Variants in SF3B1 observed in about 807,000 individuals in gnomAD.
SF3B1 encodes pre-mRNA processing 10.
Under a neutral mutation model 153.8 loss-of-function variants are expected in SF3B1, and 12 were observed. The observed-to-expected ratio is 0.08, with a 90% CI of 0.05 to 0.13. The LOEUF (loss-of-function observed/expected upper bound fraction) is 0.13, where lower values mean the gene tolerates loss of function less well. SF3B1 is among the 10% of genes least tolerant of loss of function. The pLI is 1.00. For missense variants in SF3B1, 513 were observed against 1,606.1 expected (o/e 0.32, Z 11.63); for synonymous variants, 498 against 525.2 (o/e 0.95, Z 0.71).
chr2:197,414,648 G>C (rs531453881), intron 6 of SF3B1, among the ~76,000 whole-genome samples: 8 of 152,332 alleles, frequency 5.3e-5, no homozygotes, highest in Admixed American at 3.3e-4. Context: ...GAATAGACTA[G>C]AACTACATAA....
At position 197,400,756 on chromosome 2, in the gene SF3B1, T is replaced by A. The variant is rs2105982452; in HGVS notation, c.2677A>T (p.Ile893Phe). ...TGGAAAGCATAAAGAATACCATCAATCAGTTGTTCTTCAAGTTTATGATCA... is the reference window on the plus strand; with the variant it reads ...TGGAAAGCATAAAGAATACCATCAAACAGTTGTTCTTCAAGTTTATGATCA... ...DIDHKLEEQL[I>F]DGILYAFQEQ... is the part of the protein sequence containing the mutation. The change falls in exon 18 of 25, where the codon ATT becomes TTT. Residue 893 changes from isoleucine (I) to phenylalanine (F), a missense_variant. Ile to Phe is a conservative substitution (Grantham distance 21). Around this residue, in one of 21 missense-constraint regions of SF3B1, gnomAD observed 20 missense variants for 90.4 expected, o/e 0.22. Coordinates refer to ENST00000335508, the MANE Select transcript of SF3B1 (RefSeq NM_012433.4). This position sits in a 1 kb window ranked among gnomAD's most constrained non-coding sequence, Gnocchi z 5.0. 1 of 1,613,058 alleles carries A rather than the reference T, an allele frequency of 6.2e-7. No individual in the cohort carries two copies. Among genetic ancestry groups the A allele is most frequent in the Non-Finnish European group, 8.5e-7 (1 of 1,179,334 alleles).
chr2:197,405,145 T>G lies in SF3B1; in HGVS notation c.1470A>C (p.Glu490Asp), dbSNP rs535085463. The change falls in exon 11 of 25, where the codon GAA becomes GAC. Residue 490 changes from glutamate to aspartate, a missense_variant. Coordinates refer to ENST00000335508, the MANE Select transcript of SF3B1 (RefSeq NM_012433.4). ...VDVDESTLSPEEQKERKIMKL... is the reference protein window; with the variant it reads ...VDVDESTLSPDEQKERKIMKL... The stretch of plus-strand genomic sequence containing the variant: ...TCATTATTTTTCTCTCTTTTTGCTC[T>G]TCTGGACTAAGTGTTGATTCATCAA... 6.2e-7 allele frequency: 1 copy of G among 1,612,762 alleles called. No individual in the cohort carries two copies. The highest frequency in any genetic ancestry group is 1.3e-5 in the African/African-American group (1 of 75,008).
Position 197,402,027 on chromosome 2 carries a change from C to A in SF3B1, c.2181G>T (p.Val727=), listed in dbSNP as rs2105985167. 1 of 1,613,882 alleles carries A rather than the reference C, an allele frequency of 6.2e-7. No homozygotes were observed. The highest frequency in any genetic ancestry group is 1.1e-5 in the South Asian group (1 of 91,068). The part of the protein sequence containing the change: ...TPYGIESFDS[V]LKPLWKGIRQ... ...GGATACCCTTCCATAAAGGCTTTAA[C>A]ACAGAATCAAAAGATTCGATACCAT... Residue 727 remains valine, a synonymous_variant, in exon 15 of 25, where the codon GTG becomes GTT. Coordinates refer to ENST00000335508, the MANE Select transcript of SF3B1 (RefSeq NM_012433.4). The surrounding 1 kb of genome is among the most constrained non-coding windows in gnomAD (Gnocchi z 4.6).
At chr2:197,434,113 G>C (rs1312484297) in intron 1 of SF3B1, among the ~76,000 whole-genome samples, 1 of 152,140 alleles carries the variant, frequency 6.6e-6, no homozygotes, top group Non-Finnish European at 1.5e-5. Flanking sequence ...AAACAAAAGT[G>C]ACTTAGAAGT....
At chr2:197,412,341 AATTTATTT>A (rs138215794) in intron 6 of SF3B1, among the ~76,000 whole-genome samples, 39 of 145,792 alleles carry the variant, frequency 2.7e-4, no homozygotes, top group South Asian at 9.0e-4. Context: ...TCTCTGATTT[AATTTATTT>A]ATTTATTTAT....
chr2:197,418,893 T>C, intron 4 of SF3B1: 1 of 1,590,814 alleles, frequency 6.3e-7, no homozygotes, highest in Non-Finnish European at 8.6e-7. Context: ...CCGGAATACG[T>C]ACACTTTCGT....
chr2:197,406,976 T>TA (rs1207753392), intron 9 of SF3B1, among the ~76,000 whole-genome samples: 1 of 152,034 alleles, frequency 6.6e-6, no homozygotes, highest in Non-Finnish European at 1.5e-5. Context: ...TAGCCCCAGC[T>TA]ACTCAGGAGG....
At position 197,409,764 on chromosome 2, in the gene SF3B1, A is replaced by C. The variant is rs2085041737; in HGVS notation, c.904+6T>G. The C allele has an allele frequency of 6.2e-7, 1 of 1,602,996 alleles. No individual in the cohort carries two copies. Among genetic ancestry groups the C allele is most frequent in the African/African-American group, 1.3e-5 (1 of 74,660 alleles). On this transcript the variant is annotated splice_donor_region_variant and intron_variant, in intron 7 of 24. Coordinates refer to ENST00000335508, the MANE Select transcript of SF3B1 (RefSeq NM_012433.4). ...CACCCACACACCCATACTCCACTAGAAGTACCTCTCTCTGTTTTGGGGGTT... is the reference window on the plus strand; with the variant it reads ...CACCCACACACCCATACTCCACTAGCAGTACCTCTCTCTGTTTTGGGGGTT...
chr2:197,414,901 G>A (rs1173780338), intron 6 of SF3B1, among the ~76,000 whole-genome samples: 1 of 152,040 alleles, frequency 6.6e-6, no homozygotes, highest in Admixed American at 6.6e-5. Flanking sequence ...CTACTTGGGG[G>A]GTTGAGGTGG....
At chr2:197,409,379 A>G (rs1026439505) in intron 7 of SF3B1, among the ~76,000 whole-genome samples, 5 of 151,968 alleles carry the variant, frequency 3.3e-5, no homozygotes, top group Admixed American at 3.3e-4. Context: ...CAGTCTGGAC[A>G]ACAAGAGCAA....
intron 21 of SF3B1, 111 bp downstream of exon 21, chr2:197,398,350 A>C (rs1270451579): frequency 1.2e-5 from 14 of 1,177,566 alleles, no homozygotes; most frequent in South Asian, 5.2e-5. Flanking sequence ...TGGATAGCCT[A>C]ATCTTTTACA....
chr2:197,392,964 T>C lies in SF3B1; in HGVS notation c.3756+8A>G. On this transcript the variant is annotated splice_region_variant and intron_variant, in intron 24 of 24. Transcript: ENST00000335508. ...AATCACCGATTAAAAAAAAAATCTT[T>C]AACTTACCTGTAAACAATATTGCAA... 6.5e-7 allele frequency: 1 copy of C among 1,546,136 alleles called. No homozygotes were observed. The highest frequency in any genetic ancestry group is 1.2e-5 in the South Asian group (1 of 84,076).
At chr2:197,407,887 G>GA (rs2085015441) in intron 9 of SF3B1, 111 bp downstream of exon 9, 1 of 857,666 alleles carries the variant, frequency 1.2e-6, no homozygotes, top group South Asian at 1.6e-5. Context: ...TAAGAGAATG[G>GA]AATGACAATA....
chr2:197,412,621 G>A (rs1323644069), intron 6 of SF3B1, among the ~76,000 whole-genome samples: 5 of 151,712 alleles, frequency 3.3e-5, no homozygotes, highest in African/African-American at 9.7e-5. Flanking sequence ...CTCCCAAAGT[G>A]CTGGGATTAC....
intron 6 of SF3B1, among the ~76,000 whole-genome samples, chr2:197,410,227 A>G (rs1464434210): frequency 1.3e-5 from 2 of 152,178 alleles, no homozygotes; most frequent in Non-Finnish European, 2.9e-5. Context: ...AGCACTGACA[A>G]AAGTCCCAGC....
intron 5 of SF3B1, among the ~76,000 whole-genome samples, chr2:197,417,126 G>C (rs551756600): frequency 6.6e-6 from 1 of 152,184 alleles, no homozygotes. Flanking sequence ...AGCAAGTTCA[G>C]AATTCGTAAC....
intron 6 of SF3B1, among the ~76,000 whole-genome samples, chr2:197,412,291 C>G (rs2085080495): frequency 6.6e-6 from 1 of 151,790 alleles, no homozygotes; most frequent in African/African-American, 2.4e-5. Context: ...GACTAGGGTA[C>G]AGTTGTATTA....
intron 1 of SF3B1, 90 bp downstream of exon 1, chr2:197,434,882 G>C: frequency 7.1e-7 from 1 of 1,418,116 alleles, no homozygotes; most frequent in East Asian, 2.3e-5. Flanking sequence ...TCCTACGAAA[G>C]AAACCATAGA....
chr2:197,429,728 G>A (rs1164523773), intron 1 of SF3B1, among the ~76,000 whole-genome samples: 1 of 151,394 alleles, frequency 6.6e-6, no homozygotes, highest in Non-Finnish European at 1.5e-5. Context: ...AGCTTGCAGT[G>A]AGCCGACATT....
Sources: gnomAD v4.1 joint callset for allele counts (sites outside exome capture counted in the v4.1 genomes callset) on GRCh38, gnomAD v4.1.1 for gene constraint, gnomAD v4.1.1 regional missense constraint, Gnocchi (gnomAD v3.1) non-coding constraint, MANE v1.5 for transcripts, NCBI Gene and HGNC (gene_info 2026-07-23, HGNC 2026-07-21) for gene names.